Variants in CNKSR3 observed in about 807,000 individuals in gnomAD.
CNKSR3 encodes the protein CNKSR family member 3.
A neutral mutation model predicts 67.7 loss-of-function variants in CNKSR3; 36 were observed. That is an observed-to-expected ratio of 0.53 (90% CI 0.41 to 0.70). The LOEUF is 0.70. CNKSR3 is among the 30% of genes least tolerant of loss of function. CNKSR3 has a pLI of 0.00. For synonymous variants in CNKSR3, 281 were observed against 271.4 expected (o/e 1.04, Z -0.35); for missense variants, 630 against 695.2 (o/e 0.91, Z 1.05).
intron 1 of CNKSR3, among the ~76,000 whole-genome samples, chr6:154,500,087 G>T (rs1371123043): frequency 6.6e-6 from 1 of 152,088 alleles, no homozygotes; most frequent in East Asian, 1.9e-4. Context: ...ACTTTAACAG[G>T]TGTTACATGA....
intron 1 of CNKSR3, among the ~76,000 whole-genome samples, chr6:154,482,838 G>C (rs548699742): frequency 6.6e-5 from 10 of 152,326 alleles, no homozygotes; most frequent in Admixed American, 6.5e-4. Context: ...GAAAGATAAT[G>C]GGGGGAAGGG....
intron 4 of CNKSR3, among the ~76,000 whole-genome samples, chr6:154,436,350 T>TC (rs1277647201): frequency 6.6e-6 from 1 of 152,090 alleles, no homozygotes; most frequent in Non-Finnish European, 1.5e-5. Flanking sequence ...TCCTTAATTT[T>TC]TTTTTTTAAT....
intron 1 of CNKSR3, among the ~76,000 whole-genome samples, chr6:154,463,113 CTT>C (rs774013751): frequency 1.6e-4 from 22 of 140,062 alleles, no homozygotes; most frequent in Admixed American, 2.1e-4. Context: ...TTTTTCTTTC[CTT>C]TTTTTTTTTT....
At chr6:154,490,851 A>T (rs958144021) in intron 1 of CNKSR3, among the ~76,000 whole-genome samples, 54 of 147,516 alleles carry the variant, frequency 3.7e-4, no homozygotes, top group Non-Finnish European at 7.7e-4. Flanking sequence ...TTTTATTTAA[A>T]TTTTTTTTTT....
intron 6 of CNKSR3, 43 bp downstream of exon 6, chr6:154,430,429 A>T (rs1389137310): frequency 6.5e-7 from 1 of 1,547,400 alleles, no homozygotes; most frequent in Admixed American, 2.2e-5. Context: ...GTAAATGATG[A>T]TGTATGTTAT....
rs373634396 is a variant in CNKSR3 at position 154,434,276 on chromosome 6, TCATCTGTAG to T, written c.508-778_508-770del. 4.6e-3 allele frequency among the ~76,000 whole-genome samples: 702 copies of T among 152,214 alleles called. 4 individuals are homozygous for T. Among genetic ancestry groups the T allele is most frequent in the African/African-American group, 0.016 (674 of 41,522 alleles). ...ACTTTCACAGTTAACCTTCTAGAAC[TCATCTGTAG>T]CAAAGGATTTCAACCTATACTGCAG... On this transcript the variant is annotated intron_variant, in intron 4 of 12. Transcript: ENST00000607772.
At chr6:154,509,067 C>A (rs568694520) in intron 1 of CNKSR3, among the ~76,000 whole-genome samples, 1 of 152,126 alleles carries the variant, frequency 6.6e-6, no homozygotes, top group Admixed American at 6.5e-5. Flanking sequence ...TGAGAAAGAA[C>A]ACCATTCCTC....
rs1390453465 is a variant in CNKSR3, at chr6:154,397,612, T to C, written c.*8742A>G. On this transcript the variant is annotated 3_prime_UTR_variant, in exon 13 of 13. Transcript: ENST00000607772. ...TAAGAGCAAATCTGTGGTCATCAACTAGGTGCACAGTCCAGTGGGTGTGTG... is the reference window on the plus strand; with the variant it reads ...TAAGAGCAAATCTGTGGTCATCAACCAGGTGCACAGTCCAGTGGGTGTGTG... 1 of 152,218 alleles carries C rather than the reference T, an allele frequency of 6.6e-6. No homozygotes were observed. Among genetic ancestry groups the C allele is most frequent in the Non-Finnish European group, 1.5e-5 (1 of 68,052 alleles). The allele number at this position is 152,218 out of a possible 1,614,324, so 9.4% of individuals were successfully genotyped here.
At chr6:154,451,142 G>A (rs75510191) in intron 1 of CNKSR3, among the ~76,000 whole-genome samples, 427 of 148,690 alleles carry the variant, frequency 2.9e-3, no homozygotes, top group African/African-American at 1.0e-2. Context: ...GTTCGCTTAC[G>A]GGAATTTTTC....
At chr6:154,438,208 A>T (rs1785511276) in intron 4 of CNKSR3, among the ~76,000 whole-genome samples, 1 of 152,144 alleles carries the variant, frequency 6.6e-6, no homozygotes, top group Non-Finnish European at 1.5e-5. Flanking sequence ...GGTCATATAC[A>T]TGATTTTTAT....
rs553334211 is a variant in CNKSR3, at chr6:154,416,653, C to A, written c.946-2230G>T. Among the ~76,000 whole-genome samples the A allele has an allele frequency of 1.1e-4, 16 of 152,222 alleles. No homozygotes were observed. The South Asian group carries it at 2.3e-3, about 22-fold the overall frequency. On this transcript the variant is annotated intron_variant, in intron 9 of 12. Transcript: ENST00000607772. ...ATAGGACAACAGTAATGATGTTGAACAACTTAGAGCTCTCTTCTGAGAAGG... is the reference window on the plus strand; with the variant it reads ...ATAGGACAACAGTAATGATGTTGAAAAACTTAGAGCTCTCTTCTGAGAAGG...
intron 9 of CNKSR3, among the ~76,000 whole-genome samples, chr6:154,421,391 T>C (rs541670827): frequency 6.6e-6 from 1 of 152,330 alleles, no homozygotes; most frequent in Non-Finnish European, 1.5e-5. Context: ...AGTTTCAAAG[T>C]TGATGGTTTA....
intron 10 of CNKSR3, among the ~76,000 whole-genome samples, chr6:154,413,103 C>G (rs919637717): frequency 1.3e-5 from 2 of 151,010 alleles, no homozygotes; most frequent in African/African-American, 4.9e-5. Context: ...TCAAGTTAGC[C>G]ATGAAGAAAG....
chr6:154,432,491 G>A (rs1460373062), intron 5 of CNKSR3, among the ~76,000 whole-genome samples: 1 of 152,078 alleles, frequency 6.6e-6, no homozygotes, highest in Non-Finnish European at 1.5e-5. Context: ...TCTCTTAACA[G>A]TGCATTTCAC....
chr6:154,468,393 T>TACACACACACACAC (rs55806681), intron 1 of CNKSR3, among the ~76,000 whole-genome samples: 265 of 137,310 alleles, frequency 1.9e-3, no homozygotes, highest in Middle Eastern at 3.8e-3. Flanking sequence ...ATATATTTTA[T>TACACACACACACAC]ACACACACAC....
intron 1 of CNKSR3, among the ~76,000 whole-genome samples, chr6:154,464,951 C>T (rs552509990): frequency 2.2e-4 from 33 of 151,484 alleles, no homozygotes; most frequent in African/African-American, 8.0e-4. Flanking sequence ...ACCAGCCTGG[C>T]CAACATGGTG....
intron 1 of CNKSR3, among the ~76,000 whole-genome samples, chr6:154,459,605 A>T (rs1786037112): frequency 6.6e-6 from 1 of 152,222 alleles, no homozygotes; most frequent in Admixed American, 6.5e-5. Flanking sequence ...AGGACAGTCA[A>T]CCCTAAAGCG....
intron 1 of CNKSR3, among the ~76,000 whole-genome samples, chr6:154,457,813 T>A (rs115767252): frequency 0.021 from 3,185 of 152,228 alleles, 64 homozygotes; most frequent in African/African-American, 0.047. Context: ...CCTTTACAGA[T>A]CCCAGTCCAT....
chr6:154,510,286 AGG>A lies in CNKSR3; in HGVS notation c.-174_-173del, dbSNP rs1787189807. 4.6e-6 allele frequency: 3 copies of A among 653,302 alleles called. No individual in the cohort carries two copies. Among genetic ancestry groups the A allele is most frequent in the Admixed American group, 2.7e-5 (1 of 37,694 alleles). 40.5% of individuals were successfully genotyped at this position (653,302 alleles called of 1,614,324 possible). On this transcript the variant is annotated 5_prime_UTR_variant, in exon 1 of 13. Transcript: ENST00000607772. Reference sequence around the variant, plus strand: ...CCAGTCGTCCCAGCGCGGCTCCGCCAGGGGAGCCCGGCCCTCTCCCTCCAGCT... The same window carrying A: ...CCAGTCGTCCCAGCGCGGCTCCGCCAGGAGCCCGGCCCTCTCCCTCCAGCT...
Sources: gnomAD v4.1 joint callset for allele counts (sites outside exome capture counted in the v4.1 genomes callset) on GRCh38, gnomAD v4.1.1 for gene constraint, MANE v1.5 for transcripts, NCBI Gene and HGNC (gene_info 2026-07-23, HGNC 2026-07-21) for gene names.